HIVEP2: variants seen among roughly 807,000 people sequenced by gnomAD.
The protein encoded by HIVEP2 is transcription factor HIVEP2.
Under a neutral mutation model 180.7 loss-of-function variants are expected in HIVEP2, and 14 were observed. The observed-to-expected ratio is 0.08, with a 90% confidence interval of 0.05 to 0.12. The LOEUF is 0.12. Among genes scored for constraint, HIVEP2 ranks in the 10% least tolerant of loss-of-function variants. The probability of loss-of-function intolerance (pLI) is 1.00; values close to 1 mark genes in which losing one functional copy is unlikely to be tolerated. For synonymous variants in HIVEP2, 1,184 were observed against 1,136.4 expected (o/e 1.04, Z -0.84); for missense variants, 2,579 against 3,008.5 (o/e 0.86, Z 3.34).
At chr6:142,833,724 A>G (rs1775153069) in intron 2 of HIVEP2, among the ~76,000 whole-genome samples, 2 of 152,260 alleles carry the variant, frequency 1.3e-5, no homozygotes, top group African/African-American at 4.8e-5. Context: ...AAATGAAGCC[A>G]TGTAGCTCAA....
At chr6:142,814,147 T>G (rs1582882911) in intron 2 of HIVEP2, among the ~76,000 whole-genome samples, 1 of 152,062 alleles carries the variant, frequency 6.6e-6, no homozygotes, top group African/African-American at 2.4e-5. Flanking sequence ...GGAGATGATC[T>G]TTTATGTCTT....
chr6:142,823,996 T>A (rs1023710852), intron 2 of HIVEP2, among the ~76,000 whole-genome samples: 7 of 152,206 alleles, frequency 4.6e-5, no homozygotes, highest in African/African-American at 1.7e-4. Flanking sequence ...ATCCTTTTTT[T>A]AAATAGCTTA....
chr6:142,850,106 T>C (rs1775612120), intron 1 of HIVEP2, among the ~76,000 whole-genome samples: 1 of 152,204 alleles, frequency 6.6e-6, no homozygotes, highest in Non-Finnish European at 1.5e-5. Flanking sequence ...TGTGAAGCAG[T>C]TGGGACAGGT....
intron 1 of HIVEP2, among the ~76,000 whole-genome samples, chr6:142,852,309 T>C (rs1050353103): frequency 6.6e-6 from 1 of 152,194 alleles, no homozygotes; most frequent in Non-Finnish European, 1.5e-5. Context: ...CTTTTTTTAA[T>C]AAAATGCTCA....
At chr6:142,849,703 G>A (rs1046788650) in intron 1 of HIVEP2, among the ~76,000 whole-genome samples, 1 of 151,912 alleles carries the variant, frequency 6.6e-6, no homozygotes, top group African/African-American at 2.4e-5. Context: ...TTTTTTTGTA[G>A]AGACAGGGTT....
At chr6:142,896,783 G>A (rs1012246709) in intron 1 of HIVEP2, among the ~76,000 whole-genome samples, 4 of 152,128 alleles carry the variant, frequency 2.6e-5, no homozygotes, top group African/African-American at 9.7e-5. Flanking sequence ...AGCTGCTCCA[G>A]GATTCTGCTC....
intron 1 of HIVEP2, among the ~76,000 whole-genome samples, chr6:142,890,566 T>C (rs1776831693): frequency 6.6e-6 from 1 of 152,208 alleles, no homozygotes; most frequent in Non-Finnish European, 1.5e-5. Context: ...GCACAGGATC[T>C]GGACCAAAAG....
chr6:142,823,688 C>T (rs1043533423), intron 2 of HIVEP2, among the ~76,000 whole-genome samples: 1 of 152,202 alleles, frequency 6.6e-6, no homozygotes, highest in African/African-American at 2.4e-5. Context: ...GCACATGGCA[C>T]TTGAAGAGTG....
intron 1 of HIVEP2, among the ~76,000 whole-genome samples, chr6:142,893,190 G>A (rs7741640): frequency 0.3 from 45,907 of 152,008 alleles, 7,591 homozygotes; most frequent in Admixed American, 0.44. Context: ...GCTGGGTGAC[G>A]TTGGGCAAGG....
At position 142,771,526 on chromosome 6, in the gene HIVEP2, C is replaced by T. The variant is rs201528029; in HGVS notation, c.3213G>A (p.Pro1071=). The T allele has an allele frequency of 5.0e-4, 806 of 1,613,850 alleles. 2 individuals carry two copies. Among genetic ancestry groups the T allele is most frequent in the African/African-American group, 2.9e-3 (214 of 75,062 alleles). ...GAAAGCATTTCTTCCTCTCCCTGGA[C>T]GGTGATACCGTGGAGGCTGCTGCTC... ...VSGAAASTVS[P]SRERKKCFLV... The change falls in exon 5 of 10, where the codon CCG becomes CCA. Residue 1071 remains proline (P), a synonymous_variant. Transcript: ENST00000367603. This position sits in a 1 kb window ranked among gnomAD's most constrained non-coding sequence, Gnocchi z 5.4.
intron 1 of HIVEP2, among the ~76,000 whole-genome samples, chr6:142,913,804 G>T (rs747611978): frequency 6.6e-6 from 1 of 152,168 alleles, no homozygotes; most frequent in African/African-American, 2.4e-5. Context: ...ACGCCATCTC[G>T]TGGCTCACCA....
intron 1 of HIVEP2, among the ~76,000 whole-genome samples, chr6:142,860,726 A>G (rs1265168850): frequency 6.6e-6 from 1 of 152,158 alleles, no homozygotes; most frequent in East Asian, 1.9e-4. Flanking sequence ...CTCAAGTGGT[A>G]ATGCTCGCTC....
At chr6:142,806,716 GTCTA>G (rs1006453880) in intron 2 of HIVEP2, among the ~76,000 whole-genome samples, 11 of 152,074 alleles carry the variant, frequency 7.2e-5, no homozygotes, top group African/African-American at 1.9e-4. Context: ...TTATCTGTCT[GTCTA>G]TCTAAGACAT....
At chr6:142,785,593 T>C (rs112527723) in intron 2 of HIVEP2, among the ~76,000 whole-genome samples, 1 of 152,184 alleles carries the variant, frequency 6.6e-6, no homozygotes, top group African/African-American at 2.4e-5. Context: ...CTACCAGCAG[T>C]CTCCACAGGC....
intron 2 of HIVEP2, among the ~76,000 whole-genome samples, chr6:142,789,415 G>T (rs1275505416): frequency 6.6e-6 from 1 of 152,148 alleles, no homozygotes; most frequent in East Asian, 1.9e-4. Context: ...TTGACATCAC[G>T]TAAGTCATAT....
At chr6:142,938,614 G>A (rs1778107940) in intron 1 of HIVEP2, among the ~76,000 whole-genome samples, 2 of 152,196 alleles carry the variant, frequency 1.3e-5, no homozygotes, top group Non-Finnish European at 2.9e-5. Context: ...GTATATGTGT[G>A]TATGCACACG....
intron 9 of HIVEP2, among the ~76,000 whole-genome samples, chr6:142,756,431 C>A (rs891174718): frequency 2.0e-5 from 3 of 152,192 alleles, no homozygotes; most frequent in African/African-American, 7.2e-5. Flanking sequence ...AGCTGAATGG[C>A]ACGTTCTTTC....
chr6:142,852,352 T>C (rs1015842999), intron 1 of HIVEP2, among the ~76,000 whole-genome samples: 8 of 152,224 alleles, frequency 5.3e-5, no homozygotes, highest in Non-Finnish European at 1.2e-4. Flanking sequence ...ATTTATTCAA[T>C]TATTTATTCA....
At chr6:142,863,869 T>C (rs879272690) in intron 1 of HIVEP2, among the ~76,000 whole-genome samples, 3 of 152,198 alleles carry the variant, frequency 2.0e-5, no homozygotes, top group African/African-American at 4.8e-5. Flanking sequence ...ATATTTGTAG[T>C]CCACAGGTCC....
Sources: allele counts gnomAD v4.1 joint callset (sites outside exome capture counted in the v4.1 genomes callset), GRCh38; gene constraint gnomAD v4.1.1; non-coding constraint Gnocchi (gnomAD v3.1); transcripts MANE v1.5; gene names NCBI Gene and HGNC (gene_info 2026-07-23, HGNC 2026-07-21).